The following GSTZ1 variants were observed in gnomAD, a reference collection of about 807,000 sequenced individuals.
GSTZ1 encodes maleylacetoacetate isomerase.
Under a neutral mutation model 35.9 loss-of-function variants are expected in GSTZ1, and 34 were observed. The ratio of observed to expected loss-of-function variants is 0.95; its 90% CI spans 0.72 to 1.26. The LOEUF (loss-of-function observed/expected upper bound fraction) is 1.26. Among genes scored for constraint, GSTZ1 ranks in the 50% most tolerant of loss-of-function variants. The pLI is 0.00. For synonymous variants in GSTZ1, 93 were observed against 101.2 expected (o/e 0.92, Z 0.49); for missense variants, 263 against 271.7 (o/e 0.97, Z 0.23).
Position 77,327,732 on chromosome 14 carries a change from A to C in GSTZ1, c.216+180A>C. 4.1e-6 allele frequency: 3 copies of C among 728,364 alleles called. No homozygotes were observed. In the South Asian group the frequency reaches 5.3e-5, roughly 13 times the overall value. The allele number at this position is 728,364 out of a possible 1,614,324, so 45.1% of individuals were successfully genotyped here. ...AATAAGGGAAGATTCAAGCACATGGAGAACCAAGTTCTGCATGATAAGGTC... is the reference window on the plus strand; with the variant it reads ...AATAAGGGAAGATTCAAGCACATGGCGAACCAAGTTCTGCATGATAAGGTC... On this transcript the variant is annotated intron_variant, in intron 4 of 8. Transcript: ENST00000216465.
intron 2 of GSTZ1, chr14:77,326,491 G>T (rs1220189579): frequency 8.9e-6 from 2 of 225,092 alleles, no homozygotes; most frequent in Admixed American, 4.9e-5. Context: ...GGGGGGCAGA[G>T]TTAAACACAA....
chr14:77,328,119 G>C (rs1008157562), intron 5 of GSTZ1, 82 bp downstream of exon 5: 1 of 1,445,970 alleles, frequency 6.9e-7, no homozygotes, highest in African/African-American at 1.4e-5. Flanking sequence ...CCCAGTGTGG[G>C]GGCGGGGGTG....
intron 6 of GSTZ1, 60 bp downstream of exon 6, chr14:77,329,261 C>A: frequency 9.1e-7 from 1 of 1,094,166 alleles, no homozygotes; most frequent in Non-Finnish European, 1.4e-6. Context: ...GGCCCTCGCA[C>A]ACAGGGGCCT....
chr14:77,324,111 G>GC (rs1892173330), intron 1 of GSTZ1: 1 of 172,954 alleles, frequency 5.8e-6, no homozygotes, highest in African/African-American at 2.4e-5. Flanking sequence ...CCTGGCCCCA[G>GC]CAGGAGCGTA....
Position 77,329,209 on chromosome 14 carries a change from C to T in GSTZ1, c.421+8C>T. 4 of 1,577,388 alleles carry T rather than the reference C, an allele frequency of 2.5e-6. No individual in the cohort carries two copies. Among genetic ancestry groups the T allele is most frequent in the Non-Finnish European group, 3.5e-6 (4 of 1,146,434 alleles). Reference sequence around the variant, plus strand: ...TCACTTGTGGCTTTAACGGTGAGTCCTCACCTCTGTGAGCTGCCCCACAGT... The same window carrying T: ...TCACTTGTGGCTTTAACGGTGAGTCTTCACCTCTGTGAGCTGCCCCACAGT... On this transcript the variant is annotated splice_region_variant and intron_variant, in intron 6 of 8. Transcript: ENST00000216465.
intron 3 of GSTZ1, chr14:77,327,109 CTG>C (rs751421426): frequency 1.3e-5 from 8 of 601,556 alleles, no homozygotes; most frequent in African/African-American, 3.7e-5. Flanking sequence ...CAGGTCCAGA[CTG>C]TGTACCCTAG....
rs1186742575 is a variant in GSTZ1 at position 77,326,892 on chromosome 14, A to T, written c.122A>T (p.Asp41Val). 1 of 1,604,418 alleles carries T rather than the reference A, an allele frequency of 6.2e-7. No homozygotes were observed. Among genetic ancestry groups the T allele is most frequent in the Non-Finnish European group, 8.5e-7 (1 of 1,174,404 alleles). Reference protein sequence around the residue: ...YETVPINLIKDGGQQFSKDFQ... With the variant: ...YETVPINLIKVGGQQFSKDFQ... ...ACGGTGCCCATCAATCTCATAAAGG[A>T]TGGGGGCCAACAGGTAAGAAGGCTG... Residue 41 changes from aspartate (D) to valine (V), a missense_variant, in exon 3 of 9, where the codon GAT (aspartate) becomes GTT (valine). Asp to Val is a radical substitution (Grantham distance 152). Transcript: ENST00000216465.
In GSTZ1 at chr14:77,321,142, G is replaced by C. The variant is rs1891909282; in HGVS notation, c.-27G>C. 3 of 1,452,388 alleles carry C rather than the reference G, an allele frequency of 2.1e-6. No individual in the cohort carries two copies. The highest frequency in any genetic ancestry group is 1.8e-6 in the Non-Finnish European group (2 of 1,096,608). 90.0% of individuals were successfully genotyped at this position (1,452,388 alleles called of 1,614,324 possible). A position where few individuals can be genotyped will look rare whatever the true frequency, so the allele number is the denominator to read the frequency against. On this transcript the variant is annotated 5_prime_UTR_variant, in exon 1 of 9. Transcript: ENST00000216465. ...TCCCAGGCGCGAAGTTTCTCGGCCT[G>C]GAGGAGGGGGTCGCGCGAAGTGCCA... is the stretch of plus-strand genomic sequence containing the variant.
intron 5 of GSTZ1, 25 bp downstream of exon 5, chr14:77,328,062 C>T (rs1892428008): frequency 1.2e-6 from 2 of 1,606,710 alleles, no homozygotes; most frequent in Admixed American, 1.7e-5. Flanking sequence ...CACTTGCACC[C>T]TTGCACACCT....
rs200363148 is a variant in GSTZ1, at chr14:77,324,309, A to AT, written c.16-552dup. 2.1e-3 allele frequency: 878 copies of AT among 426,718 alleles called. 2 individuals are homozygous for AT. The highest frequency in any genetic ancestry group is 2.1e-3 in the Middle Eastern group (3 of 1,410). The allele number at this position is 426,718 out of a possible 1,614,324, so 26.4% of individuals were successfully genotyped here. ...AGGCACCCACTACCACACCTGGCTG[A>AT]TTTTTTTTTGTATTTTCAGTAGAGA... is the stretch of plus-strand genomic sequence containing the variant. On this transcript the variant is annotated intron_variant, in intron 1 of 8. Transcript: ENST00000216465.
chr14:77,324,823 C>A, intron 1 of GSTZ1, 47 bp from the exon 2 acceptor site: 1 of 1,559,234 alleles, frequency 6.4e-7, no homozygotes, highest in Non-Finnish European at 8.8e-7. Flanking sequence ...CAAGCTGGAG[C>A]CCACCCAGCA....
chr14:77,331,083 T>C lies in GSTZ1; in HGVS notation c.539T>C (p.Leu180Pro), dbSNP rs766884928. The change falls in exon 9 of 9, where the codon CTC becomes CCC. Residue 180 changes from leucine to proline, a missense_variant. Leu to Pro is a moderately conservative substitution (Grantham distance 98, BLOSUM62 -3). Transcript: ENST00000216465. The stretch of plus-strand genomic sequence containing the variant: ...CTCTACTACAGATTCAAGGTGGATC[T>C]CACCCCCTACCCTACCATCAGCTCC... ...VANAERFKVD[L>P]TPYPTISSIN... 2.5e-6 allele frequency: 4 copies of C among 1,613,960 alleles called. No homozygotes were observed. Among genetic ancestry groups the C allele is most frequent in the Non-Finnish European group, 3.4e-6 (4 of 1,179,890 alleles).
rs766667126 is a variant in GSTZ1, at chr14:77,326,871, T to G, written c.101T>G (p.Val34Gly). The G allele has an allele frequency of 6.2e-7, 1 of 1,607,356 alleles. No individual in the cohort carries two copies. The highest frequency in any genetic ancestry group is 8.5e-7 in the Non-Finnish European group (1 of 1,176,328). The change falls in exon 3 of 9, where the codon GTG (valine) becomes GGG (glycine). Residue 34 changes from valine to glycine, a missense_variant. Val to Gly is a moderately radical substitution (Grantham distance 109, BLOSUM62 -3). Coordinates refer to ENST00000216465, the MANE Select transcript of GSTZ1 (RefSeq NM_145870.3). ...LALKGIDYET[V>G]PINLIKDGGQ... The stretch of plus-strand genomic sequence containing the variant: ...TTGAAAGGCATCGACTACGAGACGG[T>G]GCCCATCAATCTCATAAAGGATGGG...
chr14:77,324,833 A>G (rs965381213), intron 1 of GSTZ1, 37 bp from the exon 2 acceptor site: 3 of 1,598,178 alleles, frequency 1.9e-6, no homozygotes, highest in African/African-American at 1.3e-5. Context: ...CCCACCCAGC[A>G]TGGGTTAACA....
intron 1 of GSTZ1, chr14:77,321,644 G>A: frequency 3.4e-6 from 2 of 592,308 alleles, no homozygotes; most frequent in East Asian, 1.0e-4. Flanking sequence ...AGCACTTTGG[G>A]AGGCCGAGGC....
At chr14:77,321,427 C>A (rs1312402781) in intron 1 of GSTZ1, 1 of 1,525,964 alleles carries the variant, frequency 6.6e-7, no homozygotes, top group Admixed American at 2.0e-5. Flanking sequence ...GAGTCGCTGT[C>A]CGGTCGCGCT....
At chr14:77,321,631 C>G in intron 1 of GSTZ1, 1 of 800,540 alleles carries the variant, frequency 1.2e-6, no homozygotes, top group Admixed American at 4.7e-5. Flanking sequence ...CGCCTGTAAT[C>G]CCAGCACTTT....
At position 77,325,282 on chromosome 14, in the gene GSTZ1, G is replaced by T. The variant is rs8177555; in HGVS notation, c.67+361G>T. On this transcript the variant is annotated intron_variant, in intron 2 of 8. Coordinates refer to ENST00000216465, the MANE Select transcript of GSTZ1 (RefSeq NM_145870.3). The stretch of plus-strand genomic sequence containing the variant: ...CTCAGTTCTTATTTTATTTGAACTG[G>T]CAAAGCAAACAGAACGGGCCAGCAT... 3.7e-3 allele frequency: 1,036 copies of T among 281,612 alleles called. 12 individuals are homozygous for T. Among genetic ancestry groups the T allele is most frequent in the African/African-American group, 0.021 (964 of 46,236 alleles). 17.4% of individuals were successfully genotyped at this position (281,612 alleles called of 1,614,324 possible).
intron 8 of GSTZ1, 33 bp from the exon 9 acceptor site, chr14:77,331,036 A>C: frequency 6.2e-7 from 1 of 1,604,800 alleles, no homozygotes; most frequent in Non-Finnish European, 8.5e-7. Context: ...TGTCCCTGAA[A>C]ACCTTAGCTT....
Sources: allele counts gnomAD v4.1 joint callset, GRCh38; gene constraint gnomAD v4.1.1; transcripts MANE v1.5; gene names NCBI Gene and HGNC (gene_info 2026-07-23, HGNC 2026-07-21).